Variants in RNF144B observed in about 807,000 individuals in gnomAD.
RNF144B encodes the protein E3 ubiquitin-protein ligase RNF144B.
Under a neutral mutation model 40.2 loss-of-function variants are expected in RNF144B, and 25 were observed. The observed-to-expected ratio is 0.62, with a 90% CI of 0.45 to 0.87. RNF144B has a LOEUF of 0.87. Ranked by LOEUF, RNF144B falls within the 40% of genes least tolerant of loss-of-function variation. The pLI is 0.00. For missense variants in RNF144B, 365 were observed against 373.7 expected, an observed-to-expected ratio of 0.98 and a Z score of 0.19; for synonymous variants, 145 against 136.3, an observed-to-expected ratio of 1.06 and a Z score of -0.44.
At position 18,441,909 on chromosome 6, in the gene RNF144B, C is replaced by A. The variant is rs964855372; in HGVS notation, c.331+2165C>A. ...TTTTAACAGTTGGCAATAAAAATAA[C>A]TTAAAAGTAGCACGTTTTAAATTAA... On this transcript the variant is annotated intron_variant, in intron 4 of 7. Coordinates refer to ENST00000259939, the MANE Select transcript of RNF144B (RefSeq NM_182757.4). The surrounding 1 kb of genome is among the most constrained non-coding windows in gnomAD (Gnocchi z 4.9). Among the ~76,000 whole-genome samples, 4 of 152,188 alleles carry A rather than the reference C, an allele frequency of 2.6e-5. No homozygotes were observed. The highest frequency in any genetic ancestry group is 9.7e-5 in the African/African-American group (4 of 41,446).
Position 18,443,329 on chromosome 6 carries a change from C to A in RNF144B, c.331+3585C>A, listed in dbSNP as rs1008122556. 6.6e-6 allele frequency among the ~76,000 whole-genome samples: 1 copy of A among 152,094 alleles called. No homozygotes were observed. The highest frequency in any genetic ancestry group is 1.5e-5 in the Non-Finnish European group (1 of 68,014). On this transcript the variant is annotated intron_variant, in intron 4 of 7. Coordinates refer to ENST00000259939, the MANE Select transcript of RNF144B (RefSeq NM_182757.4). This position sits in a 1 kb window ranked among gnomAD's most constrained non-coding sequence, Gnocchi z 4.7. Reference sequence around the variant, plus strand: ...CCAGGCTGGATTGCAGTGGCACGAACTCTGCCCACTGCAACTTCCGCCTCC... The same window carrying A: ...CCAGGCTGGATTGCAGTGGCACGAAATCTGCCCACTGCAACTTCCGCCTCC...
chr6:18,455,937 T>G (rs1759314698), intron 4 of RNF144B, among the ~76,000 whole-genome samples: 2 of 152,160 alleles, frequency 1.3e-5, no homozygotes, highest in Non-Finnish European at 2.9e-5. Context: ...GTTTTGTTTT[T>G]TTTGAGACGG....
chr6:18,462,464 G>A (rs369950877), intron 6 of RNF144B, among the ~76,000 whole-genome samples: 10 of 152,240 alleles, frequency 6.6e-5, no homozygotes, highest in Admixed American at 5.2e-4. Context: ...AGTCTTAAAT[G>A]CCTGTGTTCA....
intron 3 of RNF144B, among the ~76,000 whole-genome samples, chr6:18,428,932 C>T (rs1758629879): frequency 6.6e-6 from 1 of 152,168 alleles, no homozygotes; most frequent in Non-Finnish European, 1.5e-5. Context: ...TGGCTCACAC[C>T]TGTAATCCTG....
rs1188564544 is a variant in RNF144B at position 18,419,884 on chromosome 6, C to G, written c.166-7697C>G. Reference sequence around the variant, plus strand: ...TTGATTAGGATATTTTGAACATGTTCAAGTATAGACAGGACAAAATTCAAG... The same window carrying G: ...TTGATTAGGATATTTTGAACATGTTGAAGTATAGACAGGACAAAATTCAAG... On this transcript the variant is annotated intron_variant, in intron 2 of 7. Coordinates refer to ENST00000259939, the MANE Select transcript of RNF144B (RefSeq NM_182757.4). The surrounding 1 kb of genome is among the most constrained non-coding windows in gnomAD (Gnocchi z 4.6). Among the ~76,000 whole-genome samples, 1 of 151,948 alleles carries G rather than the reference C, an allele frequency of 6.6e-6. No individual in the cohort carries two copies. Among genetic ancestry groups the G allele is most frequent in the African/African-American group, 2.4e-5 (1 of 41,350 alleles).
intron 4 of RNF144B, among the ~76,000 whole-genome samples, chr6:18,455,317 T>C (rs1759301451): frequency 6.6e-6 from 1 of 152,180 alleles, no homozygotes. Context: ...GATAAGACCA[T>C]ATATTTAAGG....
At position 18,425,909 on chromosome 6, in the gene RNF144B, A is replaced by T. The variant is rs1422107872; in HGVS notation, c.166-1672A>T. On this transcript the variant is annotated intron_variant, in intron 2 of 7. Coordinates refer to ENST00000259939, the MANE Select transcript of RNF144B (RefSeq NM_182757.4). This position sits in a 1 kb window ranked among gnomAD's most constrained non-coding sequence, Gnocchi z 4.2. ...AAAAAATTAACTCCTTGGAGAAAAA[A>T]ACTGTTAACTATTTGAAGAGATACA... Among the ~76,000 whole-genome samples, 10 of 152,186 alleles carry T rather than the reference A, an allele frequency of 6.6e-5. 1 individual carries two copies. The highest frequency in any genetic ancestry group is 2.4e-5 in the African/African-American group (1 of 41,450).
chr6:18,455,900 T>G (rs1304678507), intron 4 of RNF144B, among the ~76,000 whole-genome samples: 2 of 152,022 alleles, frequency 1.3e-5, no homozygotes, highest in Non-Finnish European at 2.9e-5. Context: ...GGGTTTTTTT[T>G]GTTTGTTTTT....
intron 3 of RNF144B, among the ~76,000 whole-genome samples, chr6:18,437,765 G>GTT (rs1758854985): frequency 6.6e-6 from 1 of 152,096 alleles, no homozygotes; most frequent in East Asian, 1.9e-4. Flanking sequence ...CTCTACAGTT[G>GTT]TTTACTTTTT....
rs1290682274 is a variant in RNF144B, at chr6:18,412,932, A to G, written c.165+13233A>G. Reference sequence around the variant, plus strand: ...TACATGAATGTAGGGTATTTTTTCAATCTGCTTAAACCTCATTTTATTCAT... The same window carrying G: ...TACATGAATGTAGGGTATTTTTTCAGTCTGCTTAAACCTCATTTTATTCAT... On this transcript the variant is annotated intron_variant, in intron 2 of 7. Transcript: ENST00000259939. The surrounding 1 kb of genome is among the most constrained non-coding windows in gnomAD (Gnocchi z 4.2). Among the ~76,000 whole-genome samples the G allele has an allele frequency of 2.0e-5, 3 of 152,196 alleles. No individual in the cohort carries two copies. Among genetic ancestry groups the G allele is most frequent in the African/African-American group, 7.2e-5 (3 of 41,454 alleles).
intron 3 of RNF144B, among the ~76,000 whole-genome samples, chr6:18,438,362 G>A (rs994622323): frequency 3.3e-5 from 5 of 152,036 alleles, no homozygotes; most frequent in Admixed American, 1.3e-4. Context: ...ATGATATTGC[G>A]CATAATTTTT....
intron 1 of RNF144B, among the ~76,000 whole-genome samples, chr6:18,389,498 A>G (rs1486856420): frequency 6.6e-6 from 1 of 152,198 alleles, no homozygotes; most frequent in Non-Finnish European, 1.5e-5. Flanking sequence ...AATATTTTAG[A>G]CGTTTAGAAA....
At chr6:18,392,061 AATT>A (rs1180886725) in intron 1 of RNF144B, among the ~76,000 whole-genome samples, 15 of 136,494 alleles carry the variant, frequency 1.1e-4, no homozygotes, top group African/African-American at 4.0e-4. Context: ...AAAAAAAAAA[AATT>A]AGGTGTGGTG....
At chr6:18,436,293 T>C (rs1447795964) in intron 3 of RNF144B, among the ~76,000 whole-genome samples, 2 of 152,108 alleles carry the variant, frequency 1.3e-5, no homozygotes, top group Non-Finnish European at 2.9e-5. Flanking sequence ...CTGTCCCAGA[T>C]TGGAACGTCA....
At chr6:18,461,876 G>T (rs1759463364) in intron 6 of RNF144B, among the ~76,000 whole-genome samples, 1 of 152,124 alleles carries the variant, frequency 6.6e-6, no homozygotes, top group East Asian at 1.9e-4. Context: ...CACCAAACAG[G>T]AATTTTGAGT....
chr6:18,394,464 G>C (rs561370076), intron 1 of RNF144B, among the ~76,000 whole-genome samples: 14 of 152,178 alleles, frequency 9.2e-5, no homozygotes, highest in African/African-American at 2.6e-4. Flanking sequence ...CCGGCGTGGT[G>C]GTGGGCACCT....
At position 18,398,368 on chromosome 6, in the gene RNF144B, C is replaced by T. The variant is rs1794731883; in HGVS notation, c.-36-1131C>T. Among the ~76,000 whole-genome samples, 2 of 151,936 alleles carry T rather than the reference C, an allele frequency of 1.3e-5. No individual in the cohort carries two copies. The highest frequency in any genetic ancestry group is 2.9e-5 in the Non-Finnish European group (2 of 67,924). On this transcript the variant is annotated intron_variant, in intron 1 of 7. Coordinates refer to ENST00000259939, the MANE Select transcript of RNF144B (RefSeq NM_182757.4). This position sits in a 1 kb window ranked among gnomAD's most constrained non-coding sequence, Gnocchi z 5.0. Reference sequence around the variant, plus strand: ...TATAGACCACATTTTGTTTGTTCTTCTGTCTTTTTAATTTTTTATTTTTTG... The same window carrying T: ...TATAGACCACATTTTGTTTGTTCTTTTGTCTTTTTAATTTTTTATTTTTTG...
rs1447826180 is a variant in RNF144B at position 18,442,785 on chromosome 6, C to T, written c.331+3041C>T. Among the ~76,000 whole-genome samples the T allele has an allele frequency of 6.6e-6, 1 of 152,204 alleles. No homozygotes were observed. Among genetic ancestry groups the T allele is most frequent in the Non-Finnish European group, 1.5e-5 (1 of 68,020 alleles). On this transcript the variant is annotated intron_variant, in intron 4 of 7. Coordinates refer to ENST00000259939, the MANE Select transcript of RNF144B (RefSeq NM_182757.4). The surrounding 1 kb of genome is among the most constrained non-coding windows in gnomAD (Gnocchi z 4.3). ...CCTAGATATTTCATATGAGTGGAAT[C>T]ATACAATATCTGTCCTTTTGTGTTT... is the stretch of plus-strand genomic sequence containing the variant.
At position 18,441,778 on chromosome 6, in the gene RNF144B, T is replaced by TG. The variant is rs1338272764; in HGVS notation, c.331+2038dup. Among the ~76,000 whole-genome samples the TG allele has an allele frequency of 1.3e-5, 2 of 152,164 alleles. No individual in the cohort carries two copies. Among genetic ancestry groups the TG allele is most frequent in the Non-Finnish European group, 2.9e-5 (2 of 68,028 alleles). On this transcript the variant is annotated intron_variant, in intron 4 of 7. Coordinates refer to ENST00000259939, the MANE Select transcript of RNF144B (RefSeq NM_182757.4). The surrounding 1 kb of genome is among the most constrained non-coding windows in gnomAD (Gnocchi z 4.9). Reference sequence around the variant, plus strand: ...CATCTCAACTTCCTCATCTGTGAAATGGGGATAACAAGTATCTCTGTACCA... The same window carrying TG: ...CATCTCAACTTCCTCATCTGTGAAATGGGGGATAACAAGTATCTCTGTACCA...
Sources: gnomAD v4.1 joint callset for allele counts (sites outside exome capture counted in the v4.1 genomes callset) on GRCh38, gnomAD v4.1.1 for gene constraint, Gnocchi (gnomAD v3.1) non-coding constraint, MANE v1.5 for transcripts, NCBI Gene and HGNC (gene_info 2026-07-23, HGNC 2026-07-21) for gene names.